Variants in MLLT10 observed in about 807,000 individuals in gnomAD.
MLLT10 encodes protein AF-10.
A neutral mutation model predicts 129.1 loss-of-function variants in MLLT10; 30 were observed. That is an observed-to-expected ratio of 0.23 (90% CI 0.17 to 0.32). MLLT10 has a LOEUF of 0.32. MLLT10 is among the 10% of genes least tolerant of loss of function. The pLI is 1.00. For missense variants in MLLT10, 1,119 were observed against 1,268.3 expected (o/e 0.88, Z 1.79); for synonymous variants, 490 against 446.4 (o/e 1.10, Z -1.23).
intron 11 of MLLT10, among the ~76,000 whole-genome samples, chr10:21,678,874 A>T (rs2052459353): frequency 6.6e-6 from 1 of 152,206 alleles, no homozygotes. Flanking sequence ...GAAATAGGAC[A>T]GCTCCTCTTG....
rs1802669 is a variant in MLLT10 at position 21,538,867 on chromosome 10, G to T, written c.195G>T (p.Pro65=). Residue 65 remains proline, a synonymous_variant, in exon 3 of 23, where the codon CCG becomes CCT. Coordinates refer to ENST00000307729, the MANE Select transcript of MLLT10 (RefSeq NM_001195626.3). ...CYGIVQVPTG[P]WFCRKCESQE... ...GCATTGTTCAAGTACCCACTGGACCGTGGTTTTGCAGGAAATGTGAATCTC... is the reference window on the plus strand; with the variant it reads ...GCATTGTTCAAGTACCCACTGGACCTTGGTTTTGCAGGAAATGTGAATCTC... 9.3e-6 allele frequency: 15 copies of T among 1,612,734 alleles called. No individual in the cohort carries two copies. Among genetic ancestry groups the T allele is most frequent in the Non-Finnish European group, 1.3e-5 (15 of 1,179,172 alleles).
intron 11 of MLLT10, among the ~76,000 whole-genome samples, chr10:21,676,413 G>T (rs1242718135): frequency 8.5e-6 from 1 of 117,096 alleles, no homozygotes; most frequent in East Asian, 2.6e-4. Flanking sequence ...GCGAGACTCC[G>T]TCTCAAAAAA....
At chr10:21,660,893 AG>A in intron 9 of MLLT10, among the ~76,000 whole-genome samples, 1 of 146,854 alleles carries the variant, frequency 6.8e-6, no homozygotes, top group East Asian at 1.9e-4. Flanking sequence ...AAAAAAAAAA[AG>A]ATTATTGTTC....
At chr10:21,555,438 G>C (rs928678463) in intron 3 of MLLT10, among the ~76,000 whole-genome samples, 1 of 151,482 alleles carries the variant, frequency 6.6e-6, no homozygotes, top group Non-Finnish European at 1.5e-5. Context: ...GGCCATGCTG[G>C]TCTCAGACTC....
At chr10:21,563,435 A>G (rs1316326802) in intron 3 of MLLT10, among the ~76,000 whole-genome samples, 1 of 151,910 alleles carries the variant, frequency 6.6e-6, no homozygotes. Context: ...AGACATGAGA[A>G]TTGCTTGAAA....
rs149819531 is a variant in MLLT10 at position 21,614,844 on chromosome 10, G to A, written c.523G>A (p.Gly175Arg). Residue 175 changes from glycine to arginine, a missense_variant, in exon 7 of 23, where the codon GGA (glycine) becomes AGA (arginine). By Grantham distance (125) the Gly-to-Arg change is moderately radical (BLOSUM62 -2). Transcript: ENST00000307729. The stretch of plus-strand genomic sequence containing the variant: ...TTTTATTTTCAGCGCTCAGTTTGCC[G>A]GACTGCTTTGTGAAGAAGAAGGTAA... ...AFHVTCAQFA[G>R]LLCEEEGNGA... is the part of the protein sequence containing the mutation. 1.7e-5 allele frequency: 27 copies of A among 1,611,522 alleles called. No homozygotes were observed. Among genetic ancestry groups the A allele is most frequent in the Non-Finnish European group, 2.0e-5 (24 of 1,179,210 alleles).
At chr10:21,625,096 G>C (rs954396835) in intron 8 of MLLT10, 2 of 894,884 alleles carry the variant, frequency 2.2e-6, no homozygotes, top group African/African-American at 1.6e-5. Context: ...TAGTAATCTG[G>C]AGGTTAGCCA....
Position 21,629,080 on chromosome 10 carries a change from G to A in MLLT10, c.699+11873G>A, listed in dbSNP as rs546682014. On this transcript the variant is annotated intron_variant, in intron 8 of 22. Transcript: ENST00000307729. ...TTCTCTAAGATGACTTACTCACATG[G>A]TTGACAGTTTGGTGGCTGCCTTTTT... is the stretch of plus-strand genomic sequence containing the variant. Among the ~76,000 whole-genome samples, 4 of 151,390 alleles carry A rather than the reference G, an allele frequency of 2.6e-5. No individual in the cohort carries two copies. In the East Asian group the frequency reaches 5.8e-4, roughly 22 times the overall value.
chr10:21,704,329 T>TTC (rs1198146694), intron 13 of MLLT10, among the ~76,000 whole-genome samples: 5,033 of 120,562 alleles, frequency 0.042, 117 homozygotes, highest in Non-Finnish European at 0.051. Flanking sequence ...TCTTTTTAAA[T>TTC]TCTCTCTCTC....
intron 8 of MLLT10, among the ~76,000 whole-genome samples, chr10:21,636,923 T>G (rs2047516419): frequency 6.6e-6 from 1 of 152,234 alleles, no homozygotes; most frequent in South Asian, 2.1e-4. Flanking sequence ...CAGCAGATAC[T>G]AACGGAGTTA....
intron 6 of MLLT10, among the ~76,000 whole-genome samples, chr10:21,614,225 C>CA (rs34546142): frequency 1.3e-3 from 105 of 81,012 alleles, no homozygotes; most frequent in East Asian, 1.9e-3. Context: ...TTTTTTTTTT[C>CA]AAAAAAAAAA....
chr10:21,611,168 T>C (rs951924819), intron 5 of MLLT10, among the ~76,000 whole-genome samples: 1 of 149,854 alleles, frequency 6.7e-6, no homozygotes, highest in African/African-American at 2.4e-5. Context: ...GGCTATTTTT[T>C]TTTTTTTTTT....
At chr10:21,575,664 A>T (rs1298511423) in intron 3 of MLLT10, among the ~76,000 whole-genome samples, 1 of 152,102 alleles carries the variant, frequency 6.6e-6, no homozygotes, top group East Asian at 1.9e-4. Flanking sequence ...TGGTTTTAAC[A>T]TTGCTTAGAT....
intron 14 of MLLT10, among the ~76,000 whole-genome samples, chr10:21,723,785 G>T (rs540483702): frequency 4.1e-4 from 63 of 152,266 alleles, no homozygotes; most frequent in African/African-American, 1.5e-3. Context: ...TATTAAATGT[G>T]TAGTGGATCT....
At chr10:21,704,154 C>T (rs1247331879) in intron 13 of MLLT10, among the ~76,000 whole-genome samples, 2 of 148,060 alleles carry the variant, frequency 1.4e-5, no homozygotes, top group East Asian at 2.0e-4. Context: ...TGATTACAGG[C>T]AGGTACCACC....
chr10:21,721,323 C>T (rs1433540203), intron 14 of MLLT10, among the ~76,000 whole-genome samples: 3 of 152,192 alleles, frequency 2.0e-5, no homozygotes, highest in Admixed American at 6.5e-5. Flanking sequence ...ATATTTTCAT[C>T]GGTATTAGTC....
At chr10:21,638,093 C>T (rs777842466) in intron 8 of MLLT10, among the ~76,000 whole-genome samples, 6 of 150,960 alleles carry the variant, frequency 4.0e-5, no homozygotes, top group African/African-American at 1.2e-4. Context: ...AGCATTTCTA[C>T]GTGCTGCTCT....
chr10:21,700,786 A>G (rs2054833193), intron 13 of MLLT10, among the ~76,000 whole-genome samples: 1 of 152,124 alleles, frequency 6.6e-6, no homozygotes, highest in Non-Finnish European at 1.5e-5. Context: ...TCTTGGGGAT[A>G]TTGACCTGTA....
intron 10 of MLLT10, among the ~76,000 whole-genome samples, chr10:21,671,849 A>G (rs1285229392): frequency 6.6e-6 from 1 of 152,062 alleles, no homozygotes; most frequent in African/African-American, 2.4e-5. Flanking sequence ...GCTCCTCAGG[A>G]GGCTACAGTG....
Sources: allele counts gnomAD v4.1 joint callset (sites outside exome capture counted in the v4.1 genomes callset), GRCh38; gene constraint gnomAD v4.1.1; transcripts MANE v1.5; gene names NCBI Gene and HGNC (gene_info 2026-07-23, HGNC 2026-07-21).